The following DOCK5 variants were observed in gnomAD, a reference collection of about 807,000 sequenced individuals.
DOCK5 encodes the protein dedicator of cytokinesis 5.
A neutral mutation model predicts 251.8 loss-of-function variants in DOCK5; 142 were observed. The ratio of observed to expected loss-of-function variants is 0.56; its 90% CI spans 0.49 to 0.65. DOCK5 has a LOEUF of 0.65. DOCK5 is among the 30% of genes least tolerant of loss of function. DOCK5 has a pLI of 0.00. For missense variants in DOCK5, 2,111 were observed against 2,312.3 expected, an observed-to-expected ratio of 0.91 and a Z score of 1.79; for synonymous variants, 842 against 835.5, an observed-to-expected ratio of 1.01 and a Z score of -0.13.
chr8:25,290,342 A>T (rs1389287470), intron 5 of DOCK5, among the ~76,000 whole-genome samples: 1 of 152,220 alleles, frequency 6.6e-6, no homozygotes, highest in East Asian at 1.9e-4. Flanking sequence ...AAAAAATATG[A>T]TAATGTTTTA....
chr8:25,332,959 C>G (rs1473470070), intron 20 of DOCK5, among the ~76,000 whole-genome samples: 1 of 152,108 alleles, frequency 6.6e-6, no homozygotes, highest in East Asian at 1.9e-4. Flanking sequence ...TATTAGAAAT[C>G]AGGAATCATT....
chr8:25,291,369 C>T (rs552712565), intron 5 of DOCK5, among the ~76,000 whole-genome samples: 143 of 152,192 alleles, frequency 9.4e-4, no homozygotes, highest in African/African-American at 3.3e-3. Context: ...CTCTATGACA[C>T]GATTGATTAA....
chr8:25,318,013 T>C (rs920010233), intron 14 of DOCK5, among the ~76,000 whole-genome samples: 7 of 152,218 alleles, frequency 4.6e-5, no homozygotes, highest in Non-Finnish European at 7.3e-5. Context: ...GGAGGGTATC[T>C]AAGTATCCTG....
chr8:25,331,820 AG>A (rs1160068011), intron 18 of DOCK5, among the ~76,000 whole-genome samples: 1 of 149,822 alleles, frequency 6.7e-6, no homozygotes, highest in African/African-American at 2.5e-5. Flanking sequence ...AGAGAGAGAG[AG>A]AGAGAGAGAG....
intron 2 of DOCK5, among the ~76,000 whole-genome samples, chr8:25,252,760 T>TA (rs2117564680): frequency 6.6e-6 from 1 of 152,326 alleles, no homozygotes; most frequent in East Asian, 1.9e-4. Flanking sequence ...ATTTAATCTT[T>TA]AAAAAAAGCG....
intron 45 of DOCK5, 23 bp downstream of exon 45, chr8:25,395,742 C>A: frequency 6.2e-7 from 1 of 1,605,216 alleles, no homozygotes; most frequent in East Asian, 2.2e-5. Flanking sequence ...CCAGAATCCC[C>A]TAGGGATTCA....
intron 26 of DOCK5, among the ~76,000 whole-genome samples, chr8:25,346,044 G>C (rs1375570649): frequency 1.3e-5 from 2 of 152,132 alleles, no homozygotes; most frequent in African/African-American, 4.8e-5. Context: ...TAGAGACGGG[G>C]TTTCACTGTG....
At chr8:25,324,682 T>C (rs1298587769) in intron 17 of DOCK5, among the ~76,000 whole-genome samples, 1 of 152,166 alleles carries the variant, frequency 6.6e-6, no homozygotes, top group Non-Finnish European at 1.5e-5. Context: ...TTAGGGTACA[T>C]GTGCACAACG....
At chr8:25,253,810 G>A (rs1803340277) in intron 2 of DOCK5, among the ~76,000 whole-genome samples, 1 of 152,182 alleles carries the variant, frequency 6.6e-6, no homozygotes, top group South Asian at 2.1e-4. Flanking sequence ...ATGTCAAAAT[G>A]TCAGTTCTTC....
intron 1 of DOCK5, among the ~76,000 whole-genome samples, chr8:25,238,501 A>G (rs1802858049): frequency 3.3e-5 from 5 of 152,234 alleles, no homozygotes; most frequent in African/African-American, 1.2e-4. Flanking sequence ...GCTTTTGCCC[A>G]GAGACATGAA....
At chr8:25,353,812 T>A (rs936443919) in intron 27 of DOCK5, among the ~76,000 whole-genome samples, 3 of 151,818 alleles carry the variant, frequency 2.0e-5, no homozygotes, top group Non-Finnish European at 4.4e-5. Context: ...TCACCTGAGG[T>A]CAGGAGTTCG....
intron 1 of DOCK5, among the ~76,000 whole-genome samples, chr8:25,185,388 T>C (rs921903532): frequency 6.6e-6 from 1 of 151,768 alleles, no homozygotes; most frequent in Non-Finnish European, 1.5e-5. Flanking sequence ...TGCCCCCCGC[T>C]TTCGTAGGTT....
At position 25,377,323 on chromosome 8, in the gene DOCK5, G is replaced by GT; in HGVS notation, c.3836dup (p.Pro1280AlafsTer18). The GT allele has an allele frequency of 6.2e-7, 1 of 1,613,272 alleles. No homozygotes were observed. The highest frequency in any genetic ancestry group is 1.3e-5 in the African/African-American group (1 of 75,026). ...TTTTCAGTGGTCTGACAAGCCCTGTGTGCCTCATTTGCTTCAGAAGGACAG... is the reference window on the plus strand; with the variant it reads ...TTTTCAGTGGTCTGACAAGCCCTGTGTTGCCTCATTTGCTTCAGAAGGACAG... On this transcript the variant is annotated frameshift_variant, in exon 38 of 52. Transcript: ENST00000276440. LOFTEE classifies it high-confidence loss of function.
intron 5 of DOCK5, among the ~76,000 whole-genome samples, chr8:25,284,228 T>C (rs966248720): frequency 1.3e-5 from 2 of 152,206 alleles, no homozygotes; most frequent in Non-Finnish European, 2.9e-5. Context: ...GCAAATTTAT[T>C]GTAAGGATTC....
intron 5 of DOCK5, among the ~76,000 whole-genome samples, chr8:25,279,985 G>A (rs1341963747): frequency 6.6e-6 from 1 of 152,148 alleles, no homozygotes; most frequent in Non-Finnish European, 1.5e-5. Flanking sequence ...GGCTGGTCTT[G>A]AACTCCTGAC....
At chr8:25,344,446 A>G (rs898100412) in intron 25 of DOCK5, among the ~76,000 whole-genome samples, 1 of 152,172 alleles carries the variant, frequency 6.6e-6, no homozygotes, top group African/African-American at 2.4e-5. Flanking sequence ...GGACTCCTCA[A>G]CGTTAAACAA....
chr8:25,244,217 G>T (rs540196967), intron 2 of DOCK5, among the ~76,000 whole-genome samples: 3 of 152,360 alleles, frequency 2.0e-5, no homozygotes, highest in Middle Eastern at 6.8e-3. Context: ...CATGACTGCA[G>T]CAGGTCCAGA....
chr8:25,299,644 T>C (rs1010028668), intron 8 of DOCK5, among the ~76,000 whole-genome samples: 8 of 152,116 alleles, frequency 5.3e-5, no homozygotes, highest in Non-Finnish European at 8.8e-5. Flanking sequence ...GGAGAGAATA[T>C]GTTATGGGAC....
chr8:25,405,104 C>T (rs1005865021), intron 48 of DOCK5, among the ~76,000 whole-genome samples: 1 of 151,948 alleles, frequency 6.6e-6, no homozygotes, highest in African/African-American at 2.4e-5. Context: ...ATGTTTTCTC[C>T]TAATTTCTCC....
Sources: gnomAD v4.1 joint callset for allele counts (sites outside exome capture counted in the v4.1 genomes callset) on GRCh38, gnomAD v4.1.1 for gene constraint, MANE v1.5 for transcripts, NCBI Gene and HGNC (gene_info 2026-07-23, HGNC 2026-07-21) for gene names.